The following GRAMD2B variants were observed in gnomAD, a reference collection of about 807,000 sequenced individuals.
GRAMD2B encodes the protein GRAM domain-containing protein 2B.
Under a neutral mutation model 59.2 loss-of-function variants are expected in GRAMD2B, and 41 were observed. That is an observed-to-expected ratio of 0.69 (90% CI 0.54 to 0.90). The LOEUF (loss-of-function observed/expected upper bound fraction) is 0.90, where lower values mean the gene tolerates loss of function less well. Among genes scored for constraint, GRAMD2B ranks in the 40% least tolerant of loss-of-function variants. GRAMD2B has a pLI of 0.00. For synonymous variants in GRAMD2B, 161 were observed against 182.7 expected, an observed-to-expected ratio of 0.88 and a Z score of 0.96; for missense variants, 424 against 500.5, an observed-to-expected ratio of 0.85 and a Z score of 1.46.
intron 1 of GRAMD2B, among the ~76,000 whole-genome samples, chr5:126,396,930 T>A (rs1453504103): frequency 6.6e-6 from 1 of 152,222 alleles, no homozygotes; most frequent in Non-Finnish European, 1.5e-5. Flanking sequence ...TGATCAGTGA[T>A]GTTGACCTTT....
chr5:126,464,470 T>G, intron 1 of GRAMD2B, among the ~76,000 whole-genome samples: 1 of 152,226 alleles, frequency 6.6e-6, no homozygotes, highest in Non-Finnish European at 1.5e-5. Flanking sequence ...TTTCCCCTGC[T>G]TCCCAAGAGA....
rs1760076768 is a variant in GRAMD2B, at chr5:126,423,749, C to G, written c.83+60C>G. 2.0e-6 allele frequency: 3 copies of G among 1,515,266 alleles called. No individual in the cohort carries two copies. The Admixed American group carries it at 7.0e-5, about 35-fold the overall frequency. 93.9% of individuals were successfully genotyped at this position (1,515,266 alleles called of 1,614,324 possible). On this transcript the variant is annotated intron_variant, in intron 1 of 13. Coordinates refer to ENST00000285689, the MANE Select transcript of GRAMD2B (RefSeq NM_023927.4). The stretch of plus-strand genomic sequence containing the variant: ...TGGGAGGAGCGCAGCCTAAACTTCT[C>G]TGCCCCGGGACGCATTTTGGGTGGA...
chr5:126,474,107 G>A (rs1234065633), intron 5 of GRAMD2B, among the ~76,000 whole-genome samples: 1 of 152,134 alleles, frequency 6.6e-6, no homozygotes, highest in Non-Finnish European at 1.5e-5. Context: ...TTTTACCTTT[G>A]AGCTATGATG....
At chr5:126,369,631 A>G (rs112790441), upstream of GRAMD2B, among the ~76,000 whole-genome samples, 1,301 of 152,346 alleles carry the variant, frequency 8.5e-3, 16 homozygotes, top group African/African-American at 0.03. Flanking sequence ...TGCAGCTAGC[A>G]AAGAGCTTTG....
upstream of GRAMD2B, chr5:126,423,086 C>A: frequency 1.2e-6 from 1 of 856,274 alleles, no homozygotes; most frequent in Non-Finnish European, 1.4e-6. Context: ...GGGGCATAGG[C>A]CAGCCCACAC....
intron 1 of GRAMD2B, among the ~76,000 whole-genome samples, chr5:126,380,255 C>T (rs1279282027): frequency 6.6e-6 from 1 of 152,236 alleles, no homozygotes; most frequent in Non-Finnish European, 1.5e-5. Context: ...TATTCTGCTC[C>T]ATTGGTCTAT....
chr5:126,414,657 C>A (rs903655279), intron 1 of GRAMD2B, among the ~76,000 whole-genome samples: 82 of 152,048 alleles, frequency 5.4e-4, no homozygotes, highest in African/African-American at 2.0e-3. Context: ...TTTGTAGAGA[C>A]AGTGTCTCAC....
At chr5:126,373,579 C>T (rs1754939115) in intron 1 of GRAMD2B, among the ~76,000 whole-genome samples, 1 of 152,092 alleles carries the variant, frequency 6.6e-6, no homozygotes, top group African/African-American at 2.4e-5. Context: ...AGACTTAGTC[C>T]CTGCTCTCAT....
chr5:126,392,684 T>C (rs1756937490), intron 1 of GRAMD2B, among the ~76,000 whole-genome samples: 1 of 152,160 alleles, frequency 6.6e-6, no homozygotes, highest in Admixed American at 6.5e-5. Context: ...TTTTTCTTTT[T>C]TAAAATTATT....
chr5:126,426,210 C>T (rs1463454864), intron 1 of GRAMD2B, among the ~76,000 whole-genome samples: 4 of 151,976 alleles, frequency 2.6e-5, no homozygotes, highest in Admixed American at 6.6e-5. Context: ...AAGTGATATG[C>T]AGAAGGAATA....
chr5:126,395,150 A>G (rs1256458647), intron 1 of GRAMD2B, among the ~76,000 whole-genome samples: 2 of 152,200 alleles, frequency 1.3e-5, no homozygotes, highest in Non-Finnish European at 2.9e-5. Flanking sequence ...TTTTATAATT[A>G]GGAAAGAAAC....
intron 1 of GRAMD2B, among the ~76,000 whole-genome samples, chr5:126,389,401 G>A (rs1425232755): frequency 6.6e-6 from 1 of 152,142 alleles, no homozygotes; most frequent in Non-Finnish European, 1.5e-5. Flanking sequence ...TCTTCCGTGA[G>A]CAAGGACACC....
At chr5:126,409,251 A>C (rs1443728253) in intron 1 of GRAMD2B, among the ~76,000 whole-genome samples, 2 of 152,202 alleles carry the variant, frequency 1.3e-5, no homozygotes, top group East Asian at 3.9e-4. Context: ...TAGATCCTTG[A>C]GGAATCGCCA....
At chr5:126,389,480 C>T (rs1756504192) in intron 1 of GRAMD2B, among the ~76,000 whole-genome samples, 1 of 152,186 alleles carries the variant, frequency 6.6e-6, no homozygotes, top group Non-Finnish European at 1.5e-5. Flanking sequence ...ATCCCTGTAT[C>T]CTCCTAAGCT....
intron 1 of GRAMD2B, among the ~76,000 whole-genome samples, chr5:126,397,370 A>C (rs1757446435): frequency 6.6e-6 from 1 of 152,110 alleles, no homozygotes; most frequent in Non-Finnish European, 1.5e-5. Context: ...GACTGCAGGC[A>C]TGCACTACCA....
chr5:126,400,465 T>C (rs1465089796), intron 1 of GRAMD2B, among the ~76,000 whole-genome samples: 1 of 151,802 alleles, frequency 6.6e-6, no homozygotes, highest in Non-Finnish European at 1.5e-5. Flanking sequence ...TATTATCTTT[T>C]TATACTAGAG....
At chr5:126,477,324 G>A (rs1770812864) in intron 5 of GRAMD2B, among the ~76,000 whole-genome samples, 1 of 152,076 alleles carries the variant, frequency 6.6e-6, no homozygotes, top group Non-Finnish European at 1.5e-5. Context: ...AGGAGAGTAG[G>A]GCATGTGGAA....
At position 126,465,505 on chromosome 5, in the gene GRAMD2B, G is replaced by A; in HGVS notation, c.163G>A (p.Glu55Lys). 6.2e-7 allele frequency: 1 copy of A among 1,614,134 alleles called. No homozygotes were observed. Among genetic ancestry groups the A allele is most frequent in the Non-Finnish European group, 8.5e-7 (1 of 1,180,010 alleles). ...PTAQSPTPSV[E>K]ADSPDQKKII... The stretch of plus-strand genomic sequence containing the variant: ...AGCCCAATCCCCTACCCCATCTGTG[G>A]AGGCGGACTCCCCAGACCAGAAGAA... Residue 55 changes from glutamate to lysine, a missense_variant, in exon 2 of 14, where the codon GAG becomes AAG. Glu to Lys is a moderately conservative substitution (Grantham distance 56). Coordinates refer to ENST00000285689, the MANE Select transcript of GRAMD2B (RefSeq NM_023927.4).
Position 126,481,203 on chromosome 5 carries a change from AAAAGAAAGAAAGAAAGAAAG to A in GRAMD2B, c.735+524_735+543del, listed in dbSNP as rs199869481. Among the ~76,000 whole-genome samples, 380 of 80,112 alleles carry A rather than the reference AAAAGAAAGAAAGAAAGAAAG, an allele frequency of 4.7e-3. 3 individuals are homozygous for A. Among genetic ancestry groups the A allele is most frequent in the East Asian group, 7.5e-3 (30 of 3,980 alleles). 52.6% of individuals were successfully genotyped at this position (80,112 alleles called of 152,430 possible). A position where few individuals can be genotyped will look rare whatever the true frequency, so the allele number is the denominator to read the frequency against. ...TCAGAATTAACTGTAAAAAAAAAAA[AAAAGAAAGAAAGAAAGAAAG>A]AAAGAAAGAAAGAAAGAAAGAAAGA... On this transcript the variant is annotated intron_variant, in intron 8 of 13. Coordinates refer to ENST00000285689, the MANE Select transcript of GRAMD2B (RefSeq NM_023927.4).
Sources: allele counts gnomAD v4.1 joint callset (sites outside exome capture counted in the v4.1 genomes callset), GRCh38; gene constraint gnomAD v4.1.1; transcripts MANE v1.5; gene names NCBI Gene and HGNC (gene_info 2026-07-23, HGNC 2026-07-21).